The following FTO variants were observed in gnomAD, a reference collection of about 807,000 sequenced individuals.
The protein encoded by FTO is alpha-ketoglutarate-dependent dioxygenase FTO.
In FTO, 47 loss-of-function variants were observed where a neutral mutation model predicts 63.9. The observed-to-expected ratio is 0.74, with a 90% CI of 0.58 to 0.94. FTO has a LOEUF of 0.94. Among genes scored for constraint, FTO ranks in the 40% least tolerant of loss-of-function variants. The pLI, the probability that FTO is intolerant of heterozygous loss-of-function variation, is 0.00. For synonymous variants in FTO, 207 were observed against 224.4 expected, an observed-to-expected ratio of 0.92 and a Z score of 0.69; for missense variants, 562 against 618.1, an observed-to-expected ratio of 0.91 and a Z score of 0.96.
At chr16:53,773,162 G>C (rs879123927) in intron 1 of FTO, among the ~76,000 whole-genome samples, 6 of 151,754 alleles carry the variant, frequency 4.0e-5, no homozygotes, top group Admixed American at 3.9e-4. Flanking sequence ...CCAAGGTAGG[G>C]AGAAAAAGGA....
At chr16:53,779,022 C>T (rs775415864) in intron 1 of FTO, among the ~76,000 whole-genome samples, 9 of 152,056 alleles carry the variant, frequency 5.9e-5, no homozygotes, top group East Asian at 1.9e-4. Flanking sequence ...GAGCAACATG[C>T]GAAAATTCTT....
At chr16:54,066,374 G>C (rs555074401) in intron 8 of FTO, among the ~76,000 whole-genome samples, 1 of 152,266 alleles carries the variant, frequency 6.6e-6, no homozygotes, top group African/African-American at 2.4e-5. Context: ...CTTTTAGACC[G>C]ACACCCTTTC....
At chr16:53,957,443 G>C (rs41473349) in intron 8 of FTO, among the ~76,000 whole-genome samples, 1,987 of 152,274 alleles carry the variant, frequency 0.013, 43 homozygotes, top group African/African-American at 0.045. Flanking sequence ...GATTACCATT[G>C]GACGTTGTGG....
At chr16:54,049,599 G>T (rs1032218555) in intron 8 of FTO, among the ~76,000 whole-genome samples, 1 of 152,230 alleles carries the variant, frequency 6.6e-6, no homozygotes, top group African/African-American at 2.4e-5. Flanking sequence ...AATACCAGAT[G>T]AAATGAAATA....
chr16:53,744,825 T>TCCC (rs563024215), intron 1 of FTO, among the ~76,000 whole-genome samples: 3 of 69,156 alleles, frequency 4.3e-5, no homozygotes, highest in African/African-American at 2.7e-4. Flanking sequence ...GGACTTTTCT[T>TCCC]CCCCCCCCCC....
At chr16:53,794,988 A>G (rs1186813031) in intron 1 of FTO, among the ~76,000 whole-genome samples, 1 of 152,236 alleles carries the variant, frequency 6.6e-6, no homozygotes, top group Non-Finnish European at 1.5e-5. Flanking sequence ...GAATTTTTAC[A>G]GAAAAGTCAG....
chr16:54,104,299 T>G (rs976170078), intron 8 of FTO, among the ~76,000 whole-genome samples: 8 of 151,094 alleles, frequency 5.3e-5, no homozygotes, highest in Non-Finnish European at 1.0e-4. Context: ...ACCAATGTTT[T>G]CTACCTGAGG....
At chr16:54,015,840 A>C (rs1002583007) in intron 8 of FTO, among the ~76,000 whole-genome samples, 1 of 152,244 alleles carries the variant, frequency 6.6e-6, no homozygotes, top group Non-Finnish European at 1.5e-5. Flanking sequence ...AGCCTCCAGC[A>C]AACACAGGAA....
intron 1 of FTO, among the ~76,000 whole-genome samples, chr16:53,800,371 G>T (rs532057940): frequency 5.7e-4 from 86 of 152,124 alleles, no homozygotes; most frequent in African/African-American, 1.9e-3. Context: ...TATTTTTTAT[G>T]ATTTCAATCC....
rs1218650429 is a variant in FTO at position 54,121,850 on chromosome 16, C to T, written c.*9935C>T. 2 of 151,966 alleles carry T rather than the reference C, an allele frequency of 1.3e-5. No individual in the cohort carries two copies. Among genetic ancestry groups the T allele is most frequent in the South Asian group, 2.1e-4 (1 of 4,798 alleles). The allele number at this position is 151,966 out of a possible 1,614,324, so 9.4% of individuals were successfully genotyped here. ...TACTCTGTGCTTATTACCCAGAAGC[C>T]CCGGCTCTTAGAGTTTCTATTAAGA... is the stretch of plus-strand genomic sequence containing the variant. On this transcript the variant is annotated 3_prime_UTR_variant, in exon 9 of 9. Coordinates refer to ENST00000471389, the MANE Select transcript of FTO (RefSeq NM_001080432.3).
intron 8 of FTO, among the ~76,000 whole-genome samples, chr16:54,063,411 C>T (rs2085636239): frequency 6.6e-6 from 1 of 152,178 alleles, no homozygotes; most frequent in Admixed American, 6.5e-5. Context: ...AAGCACAAGG[C>T]TGGAACTGCT....
intron 8 of FTO, among the ~76,000 whole-genome samples, chr16:54,038,174 G>A (rs1000928097): frequency 1.3e-5 from 2 of 152,180 alleles, no homozygotes; most frequent in Non-Finnish European, 2.9e-5. Flanking sequence ...GCCCCAGACA[G>A]GATGACCCAC....
intron 8 of FTO, among the ~76,000 whole-genome samples, chr16:54,102,119 AC>A (rs1356783913): frequency 6.6e-6 from 1 of 152,048 alleles, no homozygotes; most frequent in East Asian, 1.9e-4. Flanking sequence ...TCATCTGTTT[AC>A]TCTGTTGATA....
At chr16:54,074,020 T>C (rs545393629) in intron 8 of FTO, among the ~76,000 whole-genome samples, 23 of 152,262 alleles carry the variant, frequency 1.5e-4, no homozygotes, top group Non-Finnish European at 2.8e-4. Context: ...TCCTGTGAGT[T>C]AACATTGTAC....
chr16:54,059,010 T>G (rs1323298650), intron 8 of FTO, among the ~76,000 whole-genome samples: 2 of 152,218 alleles, frequency 1.3e-5, no homozygotes, highest in African/African-American at 2.4e-5. Context: ...GTAGGAGAGA[T>G]AAACTAATAT....
intron 1 of FTO, among the ~76,000 whole-genome samples, chr16:53,802,093 G>T (rs2078243006): frequency 6.6e-6 from 1 of 151,936 alleles, no homozygotes; most frequent in South Asian, 2.1e-4. Flanking sequence ...TAGTTTTTTT[G>T]GGTACATAGT....
chr16:54,012,202 C>T (rs1244545992), intron 8 of FTO, among the ~76,000 whole-genome samples: 1 of 152,162 alleles, frequency 6.6e-6, no homozygotes, highest in Non-Finnish European at 1.5e-5. Context: ...GGAAAAACAG[C>T]CTTGCTGATA....
intron 8 of FTO, among the ~76,000 whole-genome samples, chr16:53,943,115 C>A (rs183233816): frequency 2.0e-4 from 30 of 152,110 alleles, no homozygotes; most frequent in Non-Finnish European, 4.4e-5. Flanking sequence ...TGTTTCTGAT[C>A]CAGATTACTC....
intron 8 of FTO, among the ~76,000 whole-genome samples, chr16:54,024,226 T>C (rs2084661854): frequency 6.6e-6 from 1 of 152,098 alleles, no homozygotes; most frequent in Non-Finnish European, 1.5e-5. Flanking sequence ...TTTTTCTGTT[T>C]GTTTGTTTTT....
Sources: gnomAD v4.1 joint callset for allele counts (sites outside exome capture counted in the v4.1 genomes callset) on GRCh38, gnomAD v4.1.1 for gene constraint, MANE v1.5 for transcripts, NCBI Gene and HGNC (gene_info 2026-07-23, HGNC 2026-07-21) for gene names.